The following MAT2B variants were observed in gnomAD, a reference collection of about 807,000 sequenced individuals.
MAT2B encodes the protein methionine adenosyltransferase 2 subunit beta.
In MAT2B, 16 loss-of-function variants were observed where a neutral mutation model predicts 36.1. The observed-to-expected ratio is 0.44, with a 90% CI of 0.30 to 0.67. MAT2B has a LOEUF of 0.67. Ranked by LOEUF, MAT2B falls within the 30% of genes least tolerant of loss-of-function variation. The pLI, the probability that MAT2B is intolerant of heterozygous loss-of-function variation, is 0.09. For missense variants in MAT2B, 332 were observed against 398.2 expected (o/e 0.83, Z 1.42); for synonymous variants, 148 against 136.9 (o/e 1.08, Z -0.57).
intron 2 of MAT2B, chr5:163,512,672 A>C (rs1370043705): frequency 4.4e-6 from 2 of 451,174 alleles, no homozygotes; most frequent in Non-Finnish European, 8.9e-6. Context: ...TTTGATTTAG[A>C]AAGACTTCTG....
chr5:163,515,809 C>T (rs1760124169), intron 4 of MAT2B, among the ~76,000 whole-genome samples: 1 of 95,890 alleles, frequency 1.0e-5, no homozygotes, highest in Non-Finnish European at 1.9e-5. Context: ...GACAGGGTCT[C>T]AGTCGCCTGG....
chr5:163,511,439 CTTTTTTTTTTTTT>C (rs60009583), intron 1 of MAT2B, among the ~76,000 whole-genome samples: 51 of 69,540 alleles, frequency 7.3e-4, no homozygotes, highest in Middle Eastern at 0.026. Context: ...CTAATTTTTG[CTTTTTTTTTTTTT>C]TTTTTTTTTT....
intron 2 of MAT2B, chr5:163,512,549 C>A (rs372741320): frequency 1.1e-5 from 4 of 378,152 alleles, no homozygotes; most frequent in African/African-American, 8.4e-5. Context: ...GAGAGGTTTT[C>A]GGTATCATTG....
chr5:163,515,646 T>G (rs1466613001), intron 4 of MAT2B, among the ~76,000 whole-genome samples: 1 of 152,104 alleles, frequency 6.6e-6, no homozygotes, highest in Non-Finnish European at 1.5e-5. Context: ...CAAAGACTAT[T>G]CATTGCATTC....
chr5:163,511,804 C>T (rs548700852), intron 1 of MAT2B, among the ~76,000 whole-genome samples, 198 bp from the exon 2 acceptor site: 1 of 152,288 alleles, frequency 6.6e-6, no homozygotes, highest in African/African-American at 2.4e-5. Context: ...CTGCCTGCCT[C>T]GCATTCCCAA....
upstream of MAT2B, among the ~76,000 whole-genome samples, chr5:163,504,850 G>A (rs141976031): frequency 3.4e-4 from 52 of 152,236 alleles, no homozygotes; most frequent in African/African-American, 1.2e-3. Context: ...GGGCTCGTGT[G>A]GCCCAATCCT....
chr5:163,514,965 A>AG (rs2113559964), intron 4 of MAT2B, among the ~76,000 whole-genome samples: 1 of 152,304 alleles, frequency 6.6e-6, no homozygotes, highest in African/African-American at 2.4e-5. Flanking sequence ...TCCAAGATCA[A>AG]GGTGAGGGTC....
chr5:163,514,744 T>G (rs1760104988), intron 4 of MAT2B, among the ~76,000 whole-genome samples: 1 of 152,234 alleles, frequency 6.6e-6, no homozygotes, highest in Non-Finnish European at 1.5e-5. Flanking sequence ...TAGACTGTAC[T>G]ATGGCCTTGA....
At chr5:163,512,788 C>G (rs1304422757) in intron 2 of MAT2B, 1 of 414,814 alleles carries the variant, frequency 2.4e-6, no homozygotes, top group Non-Finnish European at 4.8e-6. Flanking sequence ...TCAAGCAATT[C>G]TCCTGCCTAA....
chr5:163,514,079 A>T (rs1760092936), intron 4 of MAT2B, 85 bp downstream of exon 4: 1 of 1,128,052 alleles, frequency 8.9e-7, no homozygotes, highest in South Asian at 2.4e-5. Context: ...TTTTAAATTT[A>T]AAAAGTCAAT....
In MAT2B at chr5:163,519,285, A is replaced by T. The variant is rs1323123537; in HGVS notation, c.*922A>T. On this transcript the variant is annotated 3_prime_UTR_variant, in exon 7 of 7. Coordinates refer to ENST00000321757, the MANE Select transcript of MAT2B (RefSeq NM_013283.5). ...ACATGTGATACATACAAAAGAATATAGTTTAATATGTATTGAAATAAAACA... is the reference window on the plus strand; with the variant it reads ...ACATGTGATACATACAAAAGAATATTGTTTAATATGTATTGAAATAAAACA... 2 of 152,000 alleles carry T rather than the reference A, an allele frequency of 1.3e-5. No homozygotes were observed. Among genetic ancestry groups the T allele is most frequent in the African/African-American group, 4.8e-5 (2 of 41,576 alleles). The allele number at this position is 152,000 out of a possible 1,614,324, so 9.4% of individuals were successfully genotyped here.
chr5:163,512,421 T>C (rs1561657049), intron 2 of MAT2B: 1 of 563,644 alleles, frequency 1.8e-6, no homozygotes, highest in South Asian at 2.1e-5. Context: ...AAAATGCTTA[T>C]GTTTATAGAG....
chr5:163,517,802 A>G, intron 6 of MAT2B, 128 bp downstream of exon 6: 1 of 589,168 alleles, frequency 1.7e-6, no homozygotes, highest in Non-Finnish European at 3.1e-6. Flanking sequence ...TCATAGTGCT[A>G]CTTTTCTCTA....
At chr5:163,515,966 C>A (rs1760127660) in intron 4 of MAT2B, among the ~76,000 whole-genome samples, 1 of 151,826 alleles carries the variant, frequency 6.6e-6, no homozygotes, top group Non-Finnish European at 1.5e-5. Context: ...AACTCCTGGG[C>A]TCAAGTAGTC....
In MAT2B at chr5:163,516,752, T is replaced by C. The variant is rs753915919; in HGVS notation, c.720+41T>C. On this transcript the variant is annotated intron_variant, in intron 5 of 6. Coordinates refer to ENST00000321757, the MANE Select transcript of MAT2B (RefSeq NM_013283.5). ...GAGTCCTGTCTTAGCGAAGGTCCGC[T>C]TTGTCTTTTCCATGCTTGAACTTTC... 6.2e-6 allele frequency: 10 copies of C among 1,605,904 alleles called. No individual in the cohort carries two copies. The East Asian group carries it at 1.1e-4, about 18-fold the overall frequency.
chr5:163,511,778 C>T (rs1259844770), intron 1 of MAT2B, among the ~76,000 whole-genome samples: 1 of 151,880 alleles, frequency 6.6e-6, no homozygotes, highest in African/African-American at 2.4e-5. Context: ...GTCTCAAGTT[C>T]CTGGGCTCAG....
At chr5:163,505,185 GCTCTAGAGATGTGTCCATTAT>G (rs58411463), upstream of MAT2B, among the ~76,000 whole-genome samples, 5,059 of 151,210 alleles carry the variant, frequency 0.033, 250 homozygotes, top group African/African-American at 0.11. Flanking sequence ...CCCACCTAGA[GCTCTAGAGATGTGTCCATTAT>G]GCTCTACCCA....
At position 163,518,998 on chromosome 5, in the gene MAT2B, C is replaced by T. The variant is rs1161361217; in HGVS notation, c.*635C>T. On this transcript the variant is annotated 3_prime_UTR_variant, in exon 7 of 7. Coordinates refer to ENST00000321757, the MANE Select transcript of MAT2B (RefSeq NM_013283.5). ...TTTCTAGGCAAACATTGAATGCAAA[C>T]GTGTATTTTTTTAATATAAATATAT... 2.6e-5 allele frequency: 4 copies of T among 152,350 alleles called. No homozygotes were observed. The highest frequency in any genetic ancestry group is 6.6e-5 in the Admixed American group (1 of 15,246). 9.4% of individuals were successfully genotyped at this position (152,350 alleles called of 1,614,324 possible).
At chr5:163,518,102 A>G (rs1207921404) in intron 6 of MAT2B, 91 bp from the exon 7 acceptor site, 3 of 843,100 alleles carry the variant, frequency 3.6e-6, no homozygotes, top group Non-Finnish European at 5.4e-6. Context: ...AAAAATATAT[A>G]CATATTTAAA....
Sources: gnomAD v4.1 joint callset for allele counts (sites outside exome capture counted in the v4.1 genomes callset) on GRCh38, gnomAD v4.1.1 for gene constraint, MANE v1.5 for transcripts, NCBI Gene and HGNC (gene_info 2026-07-23, HGNC 2026-07-21) for gene names.